COL28A1: variants seen among roughly 807,000 people sequenced by gnomAD.
COL28A1 encodes collagen type XXVIII alpha 1 chain.
A neutral mutation model predicts 150.2 loss-of-function variants in COL28A1; 161 were observed. That is an observed-to-expected ratio of 1.07 (90% CI 0.94 to 1.22). COL28A1 has a LOEUF of 1.22. Among genes scored for constraint, COL28A1 ranks in the 50% most tolerant of loss-of-function variants. The pLI is 0.00. For synonymous variants in COL28A1, 552 were observed against 469.7 expected (o/e 1.18, Z -2.26); for missense variants, 1,617 against 1,388.3 (o/e 1.16, Z -2.62).
At chr7:7,533,946 T>C (rs1782507452) in intron 1 of COL28A1, among the ~76,000 whole-genome samples, 1 of 152,190 alleles carries the variant, frequency 6.6e-6, no homozygotes, top group Non-Finnish European at 1.5e-5. Flanking sequence ...TTTCCTTCTT[T>C]GGCACCTTGC....
the COL28A1 span, among the ~76,000 whole-genome samples, chr7:7,338,448 G>C: frequency 3.6e-3 from 541 of 152,026 alleles, 4 homozygotes; most frequent in African/African-American, 0.012. Flanking sequence ...TTTATTCTTT[G>C]TAGCTATTGT....
intron 27 of COL28A1, among the ~76,000 whole-genome samples, chr7:7,393,384 G>A (rs1273516152): frequency 2.0e-5 from 3 of 152,188 alleles, no homozygotes; most frequent in Non-Finnish European, 4.4e-5. Flanking sequence ...TCTCCTGTAT[G>A]AGATGTCTGC....
chr7:7,455,768 T>C (rs1000593962), intron 16 of COL28A1, among the ~76,000 whole-genome samples: 4 of 152,172 alleles, frequency 2.6e-5, no homozygotes, highest in African/African-American at 2.4e-5. Context: ...CTAAAAATAT[T>C]GCACCAAAAC....
intron 11 of COL28A1, among the ~76,000 whole-genome samples, chr7:7,502,933 G>T (rs1780615401): frequency 2.2e-5 from 1 of 46,260 alleles, no homozygotes; most frequent in South Asian, 5.8e-4. Flanking sequence ...TCCTGACCTC[G>T]TGATCCGCCC....
chr7:7,475,163 A>G lies in COL28A1; in HGVS notation c.1234-494T>C, dbSNP rs148680222. 4.6e-3 allele frequency among the ~76,000 whole-genome samples: 706 copies of G among 152,306 alleles called. 5 individuals are homozygous for G. The highest frequency in any genetic ancestry group is 0.022 in the East Asian group (115 of 5,190). On this transcript the variant is annotated intron_variant, in intron 14 of 34. Transcript: ENST00000399429. ...AATTTATGTTTAAAAGAATTCATGGAAAATCTTCTTAGATATGCTCCTACA... is the reference window on the plus strand; with the variant it reads ...AATTTATGTTTAAAAGAATTCATGGGAAATCTTCTTAGATATGCTCCTACA...
At chr7:7,385,083 C>G (rs1285069790) in intron 27 of COL28A1, among the ~76,000 whole-genome samples, 1 of 152,220 alleles carries the variant, frequency 6.6e-6, no homozygotes, top group African/African-American at 2.4e-5. Flanking sequence ...CAGGCAGCTA[C>G]CTGCCTGAGG....
chr7:7,398,894 A>T (rs1783000154), intron 27 of COL28A1, among the ~76,000 whole-genome samples: 1 of 151,882 alleles, frequency 6.6e-6, no homozygotes, highest in African/African-American at 2.4e-5. Context: ...GCCTTTAACT[A>T]CTCCGATGCC....
intron 17 of COL28A1, among the ~76,000 whole-genome samples, chr7:7,452,811 T>C (rs997213245): frequency 6.6e-6 from 1 of 152,154 alleles, no homozygotes; most frequent in Admixed American, 6.5e-5. Context: ...CTCTCAAGAA[T>C]AGTCAGAGTG....
chr7:7,382,333 T>A (rs959083122), intron 27 of COL28A1, among the ~76,000 whole-genome samples: 3 of 150,056 alleles, frequency 2.0e-5, no homozygotes, highest in African/African-American at 4.9e-5. Flanking sequence ...AGAAAAAAAA[T>A]GTCATTTTAG....
chr7:7,393,455 T>C (rs1432305382), intron 27 of COL28A1, among the ~76,000 whole-genome samples: 1 of 152,204 alleles, frequency 6.6e-6, no homozygotes, highest in African/African-American at 2.4e-5. Context: ...GAGGAGGCAG[T>C]CTGACCCTTA....
In COL28A1 at chr7:7,531,472, A is replaced by C. The variant is rs368502041; in HGVS notation, c.557T>G (p.Ile186Ser). 64 of 1,600,800 alleles carry C rather than the reference A, an allele frequency of 4.0e-5. 1 individual carries two copies. The highest frequency in any genetic ancestry group is 5.2e-5 in the Non-Finnish European group (61 of 1,168,054). Residue 186 changes from isoleucine to serine, a missense_variant, in exon 3 of 35, where the codon ATC (isoleucine) becomes AGC (serine). Ile to Ser is a moderately radical substitution (Grantham distance 142). Transcript: ENST00000399429. Reference protein sequence around the residue: ...EDARISGISFITIALSTVVNE... With the variant: ...EDARISGISFSTIALSTVVNE... ...GACTACCGTAGAAAGTGCAATGGTGATAAATGATATTCCTGAAATTCTGGC... is the reference window on the plus strand; with the variant it reads ...GACTACCGTAGAAAGTGCAATGGTGCTAAATGATATTCCTGAAATTCTGGC...
intron 27 of COL28A1, among the ~76,000 whole-genome samples, chr7:7,413,525 G>A (rs938315123): frequency 6.6e-6 from 1 of 152,170 alleles, no homozygotes; most frequent in African/African-American, 2.4e-5. Flanking sequence ...TAAAACCTGA[G>A]CAGAGGGGAT....
At position 7,510,981 on chromosome 7, in the gene COL28A1, T is replaced by G. The variant is rs1781100388; in HGVS notation, c.927+110A>C. ...CAGATGTGAAAAATTGAGCCATTGA[T>G]TCCAACTCTAGTAGTGAGATCACCA... On this transcript the variant is annotated intron_variant, in intron 9 of 34. Transcript: ENST00000399429. 3 of 830,826 alleles carry G rather than the reference T, an allele frequency of 3.6e-6. No individual in the cohort carries two copies. In the South Asian group the frequency reaches 4.5e-5, roughly 13 times the overall value. The allele number at this position is 830,826 out of a possible 1,614,324, so 51.5% of individuals were successfully genotyped here.
chr7:7,431,324 A>T (rs1784958719), intron 25 of COL28A1: 2 of 316,236 alleles, frequency 6.3e-6, no homozygotes, highest in Non-Finnish European at 1.3e-5. Flanking sequence ...AGGAGGGAAC[A>T]AAGCAAGAAG....
chr7:7,455,357 A>G (rs1050552475), intron 16 of COL28A1, among the ~76,000 whole-genome samples: 10 of 152,230 alleles, frequency 6.6e-5, no homozygotes, highest in Non-Finnish European at 1.3e-4. Flanking sequence ...AGTAGAGAGT[A>G]CTGTTATACT....
rs1474914340 is a variant in COL28A1 at position 7,367,821 on chromosome 7, A to AAC, written c.3066+2903_3066+2904insGT. 4.0e-5 allele frequency among the ~76,000 whole-genome samples: 6 copies of AAC among 151,274 alleles called. No homozygotes were observed. The East Asian group carries it at 9.7e-4, about 25-fold the overall frequency. Reference sequence around the variant, plus strand: ...TAAACTCACTATTTTCCTTTAAAAAAAAAAAAAACCACCCTGCCTTTTATA... The same window carrying AAC: ...TAAACTCACTATTTTCCTTTAAAAAAACAAAAAAAACCACCCTGCCTTTTATA... On this transcript the variant is annotated intron_variant, in intron 33 of 34. Transcript: ENST00000399429.
rs571063138 is a variant in COL28A1, at chr7:7,501,752, C to T, written c.1026+4262G>A. On this transcript the variant is annotated intron_variant, in intron 11 of 34. Transcript: ENST00000399429. ...ACCATGACAGCCCCATGGAAGGCAG[C>T]AGCGTTGGGTTTTTAGGGGTTCAGT... Among the ~76,000 whole-genome samples, 65 of 152,258 alleles carry T rather than the reference C, an allele frequency of 4.3e-4. 1 individual carries two copies. The South Asian group carries it at 6.0e-3, about 14-fold the overall frequency.
At chr7:7,371,904 C>G (rs1306720509) in intron 32 of COL28A1, among the ~76,000 whole-genome samples, 1 of 151,952 alleles carries the variant, frequency 6.6e-6, no homozygotes, top group South Asian at 2.1e-4. Context: ...ACAATCTCGG[C>G]TCACTGTAAC....
chr7:7,531,191 A>G (rs1420195265), intron 3 of COL28A1, among the ~76,000 whole-genome samples, 157 bp downstream of exon 3: 6 of 152,244 alleles, frequency 3.9e-5, no homozygotes, highest in Admixed American at 2.6e-4. Context: ...AACTGCCAAG[A>G]AAGTGGAGTG....
Sources: gnomAD v4.1 joint callset for allele counts (sites outside exome capture counted in the v4.1 genomes callset) on GRCh38, gnomAD v4.1.1 for gene constraint, MANE v1.5 for transcripts, NCBI Gene and HGNC (gene_info 2026-07-23, HGNC 2026-07-21) for gene names.